Variants in MCF2L2 observed in about 807,000 individuals in gnomAD.
MCF2L2 encodes probable guanine nucleotide exchange factor MCF2L2.
Under a neutral mutation model 150.2 loss-of-function variants are expected in MCF2L2, and 102 were observed. The observed-to-expected ratio is 0.68, with a 90% CI of 0.58 to 0.80. MCF2L2 has a LOEUF of 0.80. Among genes scored for constraint, MCF2L2 ranks in the 30% least tolerant of loss-of-function variants. The pLI is 0.00. For synonymous variants in MCF2L2, 465 were observed against 491.3 expected (o/e 0.95, Z 0.71); for missense variants, 1,256 against 1,372.8 (o/e 0.91, Z 1.34).
intron 27 of MCF2L2, among the ~76,000 whole-genome samples, chr3:183,188,705 T>A (rs984711381): frequency 2.0e-5 from 3 of 152,180 alleles, no homozygotes; most frequent in African/African-American, 7.2e-5. Context: ...CGCTGGCTCA[T>A]GCCTGTGATC....
At chr3:183,311,256 G>T (rs1729364316) in intron 8 of MCF2L2, among the ~76,000 whole-genome samples, 1 of 152,182 alleles carries the variant, frequency 6.6e-6, no homozygotes, top group South Asian at 2.1e-4. Flanking sequence ...CTTTGCTTCA[G>T]ATGCAGCTGC....
At chr3:183,320,716 G>A (rs950404129) in intron 6 of MCF2L2, among the ~76,000 whole-genome samples, 8 of 152,220 alleles carry the variant, frequency 5.3e-5, no homozygotes, top group African/African-American at 1.9e-4. Context: ...TATCATTCAT[G>A]TATTCACTGG....
intron 2 of MCF2L2, among the ~76,000 whole-genome samples, chr3:183,381,646 T>C (rs1028133682): frequency 6.6e-6 from 1 of 152,210 alleles, no homozygotes; most frequent in African/African-American, 2.4e-5. Context: ...CCAATTGCTG[T>C]AGAACGAAAC....
intron 7 of MCF2L2, among the ~76,000 whole-genome samples, chr3:183,315,327 G>T (rs969634805): frequency 6.6e-6 from 1 of 151,958 alleles, no homozygotes; most frequent in Non-Finnish European, 1.5e-5. Context: ...ATTCTTAATC[G>T]AGGTAAACAC....
chr3:183,336,335 G>A (rs765078719), intron 5 of MCF2L2, among the ~76,000 whole-genome samples: 2 of 152,002 alleles, frequency 1.3e-5, no homozygotes, highest in Non-Finnish European at 2.9e-5. Context: ...GATATTCTTT[G>A]TGCTATTCTT....
intron 1 of MCF2L2, among the ~76,000 whole-genome samples, chr3:183,404,619 T>C (rs558773409): frequency 1.1e-4 from 16 of 152,348 alleles, no homozygotes; most frequent in African/African-American, 3.6e-4. Context: ...TCCCAGCACT[T>C]TGGGAGGCCG....
In MCF2L2 at chr3:183,406,497, GTT is replaced by G. The variant is rs546537165; in HGVS notation, c.77-16720_77-16719del. ...TCAGATATGCTATTCACAAGTCTTG[GTT>G]TTTTTTGAGACAGAGTTTTGCTCTT... On this transcript the variant is annotated intron_variant, in intron 1 of 29. Transcript: ENST00000328913. Among the ~76,000 whole-genome samples, 503 of 151,672 alleles carry G rather than the reference GTT, an allele frequency of 3.3e-3. 4 individuals carry two copies. Among genetic ancestry groups the G allele is most frequent in the Non-Finnish European group, 5.1e-3 (344 of 67,816 alleles).
At chr3:183,222,279 T>C (rs577009757) in intron 20 of MCF2L2, among the ~76,000 whole-genome samples, 1 of 152,236 alleles carries the variant, frequency 6.6e-6, no homozygotes, top group Non-Finnish European at 1.5e-5. Context: ...TTGTGGAGAT[T>C]AAATAAGAAA....
chr3:183,304,455 G>A (rs1373969417), intron 10 of MCF2L2, among the ~76,000 whole-genome samples: 1 of 143,382 alleles, frequency 7.0e-6, no homozygotes, highest in Non-Finnish European at 1.5e-5. Context: ...TCATTCCCTG[G>A]GCAGTGATTT....
intron 11 of MCF2L2, chr3:183,297,901 G>A (rs542034313): frequency 1.3e-5 from 2 of 152,302 alleles, no homozygotes; most frequent in East Asian, 3.9e-4. Context: ...GGGTTTACCT[G>A]CTAGTCCACT....
intron 1 of MCF2L2, among the ~76,000 whole-genome samples, chr3:183,396,633 T>A (rs1714480588): frequency 6.6e-6 from 1 of 152,310 alleles, no homozygotes; most frequent in East Asian, 1.9e-4. Flanking sequence ...GAATAAGTAA[T>A]GACTTATGGA....
intron 3 of MCF2L2, chr3:183,373,182 A>G (rs947616055): frequency 1.3e-5 from 2 of 152,252 alleles, no homozygotes; most frequent in African/African-American, 4.8e-5. Flanking sequence ...CAATTTATAT[A>G]GCAGACGGCA....
At chr3:183,366,483 A>G (rs1009985708) in intron 3 of MCF2L2, among the ~76,000 whole-genome samples, 1 of 152,136 alleles carries the variant, frequency 6.6e-6, no homozygotes, top group Non-Finnish European at 1.5e-5. Flanking sequence ...TGTCTCTACT[A>G]AAAATACAAA....
chr3:183,256,845 C>T (rs979997984), intron 15 of MCF2L2, among the ~76,000 whole-genome samples: 8 of 122,224 alleles, frequency 6.5e-5, no homozygotes, highest in African/African-American at 1.7e-4. Context: ...ACAAGAATAA[C>T]GGAAGACCGT....
chr3:183,191,538 C>T (rs1410775620), intron 27 of MCF2L2, among the ~76,000 whole-genome samples: 4 of 152,122 alleles, frequency 2.6e-5, no homozygotes, highest in South Asian at 4.1e-4. Context: ...TGTTTCTATT[C>T]GCCTTCCACC....
intron 27 of MCF2L2, among the ~76,000 whole-genome samples, chr3:183,188,521 C>T (rs114307034): frequency 6.6e-6 from 1 of 152,188 alleles, no homozygotes; most frequent in Non-Finnish European, 1.5e-5. Context: ...TCCATCCCCG[C>T]AGTGCCATGT....
intron 5 of MCF2L2, among the ~76,000 whole-genome samples, chr3:183,332,781 G>A (rs758835285): frequency 3.3e-5 from 5 of 152,180 alleles, no homozygotes; most frequent in East Asian, 1.9e-4. Context: ...TAGGAAAACT[G>A]AGCAAAGAAC....
chr3:183,295,198 G>A (rs186169622), intron 13 of MCF2L2, 102 bp downstream of exon 13: 32 of 1,251,868 alleles, frequency 2.6e-5, no homozygotes, highest in Non-Finnish European at 3.6e-5. Context: ...AATAGTATCT[G>A]TTAAAACAGC....
intron 4 of MCF2L2, among the ~76,000 whole-genome samples, chr3:183,340,272 T>C (rs189379930): frequency 6.6e-6 from 1 of 152,296 alleles, no homozygotes; most frequent in East Asian, 1.9e-4. Context: ...TGTGTGCATG[T>C]TTGCATGTGT....
Sources: allele counts gnomAD v4.1 joint callset (sites outside exome capture counted in the v4.1 genomes callset), GRCh38; gene constraint gnomAD v4.1.1; transcripts MANE v1.5; gene names NCBI Gene and HGNC (gene_info 2026-07-23, HGNC 2026-07-21).